The following RAD54L2 variants were observed in gnomAD, a reference collection of about 807,000 sequenced individuals.
RAD54L2 encodes the protein RAD54 like 2, also known as helicase ARIP4.
A neutral mutation model predicts 138.4 loss-of-function variants in RAD54L2; 27 were observed. The observed-to-expected ratio is 0.20, with a 90% CI of 0.14 to 0.27. RAD54L2 has a LOEUF of 0.27. Among genes scored for constraint, RAD54L2 ranks in the 10% least tolerant of loss-of-function variants. The probability of loss-of-function intolerance (pLI) is 1.00; values close to 1 mark genes in which losing one functional copy is unlikely to be tolerated. For missense variants in RAD54L2, 1,396 were observed against 1,890.2 expected, an observed-to-expected ratio of 0.74 and a Z score of 4.85; for synonymous variants, 644 against 723.2, an observed-to-expected ratio of 0.89 and a Z score of 1.76.
At chr3:51,634,590 G>A (rs1373758015) in intron 9 of RAD54L2, among the ~76,000 whole-genome samples, 8 of 152,032 alleles carry the variant, frequency 5.3e-5, no homozygotes, top group Non-Finnish European at 7.4e-5. Context: ...GGCTGGTCTC[G>A]AACTCCTGAC....
intron 9 of RAD54L2, 95 bp from the exon 10 acceptor site, chr3:51,635,496 GCT>G: frequency 7.6e-7 from 1 of 1,321,230 alleles, no homozygotes; most frequent in Non-Finnish European, 1.0e-6. Flanking sequence ...CATCAACACA[GCT>G]TTGATTGTGA....
intron 2 of RAD54L2, among the ~76,000 whole-genome samples, chr3:51,576,460 C>G (rs1488569523): frequency 2.0e-5 from 3 of 152,100 alleles, no homozygotes; most frequent in African/African-American, 4.8e-5. Context: ...GGATTCGGCT[C>G]TGAATCCATC....
chr3:51,662,523 T>A lies in RAD54L2; in HGVS notation c.3507T>A (p.Ser1169=). 1 of 1,613,432 alleles carries A rather than the reference T, an allele frequency of 6.2e-7. No homozygotes were observed. Among genetic ancestry groups the A allele is most frequent in the Admixed American group, 1.7e-5 (1 of 59,950 alleles). ...CTGAGGGGCTGGCCAGGCCCGTCTC[T>A]CCTGACAGCCCAGAGATCATCAGTG... is the stretch of plus-strand genomic sequence containing the variant. ...PDPEGLARPV[S]PDSPEIISEL... The change falls in exon 23 of 23, where the codon TCT becomes TCA. Residue 1169 remains serine, a synonymous_variant. Coordinates refer to ENST00000684192, the MANE Select transcript of RAD54L2 (RefSeq NM_015106.4). The surrounding 1 kb of genome is among the most constrained non-coding windows in gnomAD (Gnocchi z 4.6).
At chr3:51,577,167 C>T (rs746091727) in intron 2 of RAD54L2, among the ~76,000 whole-genome samples, 35 of 152,294 alleles carry the variant, frequency 2.3e-4, no homozygotes, top group Admixed American at 1.4e-3. Flanking sequence ...GAGTGAGTTT[C>T]TTAATCCTGA....
intron 2 of RAD54L2, among the ~76,000 whole-genome samples, chr3:51,547,062 G>T (rs1698716645): frequency 6.7e-6 from 1 of 150,090 alleles, no homozygotes; most frequent in Non-Finnish European, 1.5e-5. Context: ...GAAGTTGTTG[G>T]TTGGCCAGGT....
intron 19 of RAD54L2, among the ~76,000 whole-genome samples, chr3:51,654,096 G>A (rs1462569489): frequency 6.6e-6 from 1 of 152,118 alleles, no homozygotes; most frequent in Non-Finnish European, 1.5e-5. Context: ...TGCCCAGGCT[G>A]GAGTGTAATG....
At chr3:51,556,609 T>C (rs1361967128) in intron 2 of RAD54L2, among the ~76,000 whole-genome samples, 1 of 151,234 alleles carries the variant, frequency 6.6e-6, no homozygotes, top group African/African-American at 2.4e-5. Flanking sequence ...AGAGTTTCGC[T>C]CTTGTTGCCC....
chr3:51,663,115 C>G lies in RAD54L2; in HGVS notation c.4099C>G (p.Pro1367Ala). ...STATSVTASN[P>A]SFMLNPSVPG... ...GGCTACCTCAGTCACTGCCAGCAAC[C>G]CCTCCTTCATGCTCAACCCTTCTGT... Residue 1367 changes from proline to alanine, a missense_variant, in exon 23 of 23, where the codon CCC becomes GCC. By Grantham distance (27) the Pro-to-Ala change is conservative. Coordinates refer to ENST00000684192, the MANE Select transcript of RAD54L2 (RefSeq NM_015106.4). The G allele has an allele frequency of 6.2e-7, 1 of 1,613,958 alleles. No individual in the cohort carries two copies.
chr3:51,645,803 C>T lies in RAD54L2; in HGVS notation c.2829+40C>T, dbSNP rs1160522268. The T allele has an allele frequency of 1.3e-6, 2 of 1,557,180 alleles. No individual in the cohort carries two copies. The highest frequency in any genetic ancestry group is 2.3e-5 in the East Asian group (1 of 43,698). On this transcript the variant is annotated intron_variant, in intron 18 of 22. Transcript: ENST00000684192. This position sits in a 1 kb window ranked among gnomAD's most constrained non-coding sequence, Gnocchi z 6.1. ...TGCATGCAATCCCCAGAGTGGCAGT[C>T]TCTCTGTCAAAGGAGGCTTGTCTTG...
chr3:51,640,317 T>C (rs1419872170), intron 14 of RAD54L2, among the ~76,000 whole-genome samples: 1 of 152,248 alleles, frequency 6.6e-6, no homozygotes, highest in African/African-American at 2.4e-5. Flanking sequence ...AGAGGTTCTA[T>C]GTGGCCAAGA....
intron 3 of RAD54L2, among the ~76,000 whole-genome samples, chr3:51,591,627 G>C (rs953295621): frequency 6.6e-6 from 1 of 152,194 alleles, no homozygotes; most frequent in African/African-American, 2.4e-5. Context: ...AGTAGCATTT[G>C]CTGTCTGTTG....
chr3:51,559,512 A>G (rs75133539), intron 2 of RAD54L2, among the ~76,000 whole-genome samples: 211 of 152,280 alleles, frequency 1.4e-3, no homozygotes, highest in Non-Finnish European at 2.5e-3. Flanking sequence ...CCACTTGATT[A>G]TGGATGGGTC....
At chr3:51,652,407 T>G (rs1701462549) in intron 19 of RAD54L2, among the ~76,000 whole-genome samples, 1 of 152,214 alleles carries the variant, frequency 6.6e-6, no homozygotes, top group South Asian at 2.1e-4. Context: ...ACCAACGACT[T>G]TCTTCACAGA....
chr3:51,651,581 A>G (rs992756897), intron 19 of RAD54L2, among the ~76,000 whole-genome samples: 3 of 152,212 alleles, frequency 2.0e-5, no homozygotes, highest in African/African-American at 7.2e-5. Context: ...CAAAAAGCTT[A>G]TCCACCAAGA....
intron 2 of RAD54L2, among the ~76,000 whole-genome samples, chr3:51,561,861 A>AT (rs573701375): frequency 4.0e-5 from 6 of 149,002 alleles, no homozygotes; most frequent in Admixed American, 3.3e-4. Context: ...GGCTTGGCTG[A>AT]TTTTTTTTAT....
At chr3:51,572,143 A>G (rs961032832) in intron 2 of RAD54L2, among the ~76,000 whole-genome samples, 2 of 152,098 alleles carry the variant, frequency 1.3e-5, no homozygotes, top group African/African-American at 4.8e-5. Flanking sequence ...TGTAACCGTG[A>G]TTGGTTAGAA....
chr3:51,646,180 C>T, intron 18 of RAD54L2, 105 bp from the exon 19 acceptor site: 1 of 1,044,928 alleles, frequency 9.6e-7, no homozygotes, highest in Non-Finnish European at 1.4e-6. Flanking sequence ...TGAGCAGTCT[C>T]TTCGCTAGTG....
chr3:51,579,130 GCTT>G (rs1699551332), intron 2 of RAD54L2, among the ~76,000 whole-genome samples: 1 of 149,954 alleles, frequency 6.7e-6, no homozygotes, highest in African/African-American at 2.5e-5. Flanking sequence ...ATGCACACCT[GCTT>G]CTCCTCTCTC....
At position 51,662,608 on chromosome 3, in the gene RAD54L2, A is replaced by G. The variant is rs750413006; in HGVS notation, c.3592A>G (p.Thr1198Ala). The G allele has an allele frequency of 1.2e-6, 2 of 1,613,018 alleles. No homozygotes were observed. The highest frequency in any genetic ancestry group is 2.2e-5 in the South Asian group (2 of 90,876). ...ARESRQSSPSTNAALPGPPAQ... is the reference protein window; with the variant it reads ...ARESRQSSPSANAALPGPPAQ... The stretch of plus-strand genomic sequence containing the variant: ...GGAATCCCGTCAGAGCTCCCCAAGC[A>G]CCAATGCCGCCCTGCCTGGCCCCCC... Residue 1198 changes from threonine to alanine, a missense_variant, in exon 23 of 23, where the codon ACC (threonine) becomes GCC (alanine). Thr to Ala is a moderately conservative substitution (Grantham distance 58). Coordinates refer to ENST00000684192, the MANE Select transcript of RAD54L2 (RefSeq NM_015106.4). This position sits in a 1 kb window ranked among gnomAD's most constrained non-coding sequence, Gnocchi z 4.6.
Sources: gnomAD v4.1 joint callset for allele counts (sites outside exome capture counted in the v4.1 genomes callset) on GRCh38, gnomAD v4.1.1 for gene constraint, Gnocchi (gnomAD v3.1) non-coding constraint, MANE v1.5 for transcripts, NCBI Gene and HGNC (gene_info 2026-07-23, HGNC 2026-07-21) for gene names.